SETBP1: variants seen among roughly 807,000 people sequenced by gnomAD.
The protein encoded by SETBP1 is SET binding protein 1.
Under a neutral mutation model 101.0 loss-of-function variants are expected in SETBP1, and 9 were observed. The observed-to-expected ratio is 0.09, with a 90% CI of 0.05 to 0.16. The LOEUF (loss-of-function observed/expected upper bound fraction) is 0.16, where lower values mean the gene tolerates loss of function less well. Ranked by LOEUF, SETBP1 falls within the 10% of genes least tolerant of loss-of-function variation. The pLI is 1.00. For missense variants in SETBP1, 1,858 were observed against 2,033.8 expected, an observed-to-expected ratio of 0.91 and a Z score of 1.66; for synonymous variants, 818 against 788.5, an observed-to-expected ratio of 1.04 and a Z score of -0.63.
chr18:44,810,941 A>G (rs975568548), intron 2 of SETBP1, among the ~76,000 whole-genome samples: 2 of 152,216 alleles, frequency 1.3e-5, no homozygotes, highest in Admixed American at 1.3e-4. Flanking sequence ...GGGGCGAACC[A>G]TGTAAATTTC....
At position 44,952,507 on chromosome 18, in the gene SETBP1, C is replaced by T; in HGVS notation, c.3167C>T (p.Thr1056Ile). The T allele has an allele frequency of 6.2e-7, 1 of 1,614,132 alleles. No homozygotes were observed. The highest frequency in any genetic ancestry group is 8.5e-7 in the Non-Finnish European group (1 of 1,180,032). The change falls in exon 4 of 6, where the codon ACA becomes ATA. Residue 1056 changes from threonine (T) to isoleucine (I), a missense_variant. Physicochemically the swap from Thr to Ile is moderately conservative, Grantham distance 89. This residue lies in a region of SETBP1 where 255 missense variants were observed against 300.1 expected (regional missense o/e 0.85). Coordinates refer to ENST00000649279, the MANE Select transcript of SETBP1 (RefSeq NM_015559.3). ...TATGCACCCTATGGAATGCCTTACACATCAATGCCTATGATGAACCTTGGT... is the reference window on the plus strand; with the variant it reads ...TATGCACCCTATGGAATGCCTTACATATCAATGCCTATGATGAACCTTGGT... ...SYYAPYGMPYTSMPMMNLGYY... is the reference protein window; with the variant it reads ...SYYAPYGMPYISMPMMNLGYY...
chr18:45,035,157 G>C (rs936303314), intron 4 of SETBP1, among the ~76,000 whole-genome samples: 1 of 152,162 alleles, frequency 6.6e-6, no homozygotes, highest in Non-Finnish European at 1.5e-5. Flanking sequence ...GATAGATTTT[G>C]TGGATTAATG....
chr18:44,780,839 T>A (rs1414623406), intron 2 of SETBP1, among the ~76,000 whole-genome samples: 1 of 152,210 alleles, frequency 6.6e-6, no homozygotes, highest in South Asian at 2.1e-4. Flanking sequence ...TTGGGGGTCA[T>A]GGAGCTCCCT....
At chr18:44,994,025 C>T (rs1428151445) in intron 4 of SETBP1, among the ~76,000 whole-genome samples, 1 of 151,910 alleles carries the variant, frequency 6.6e-6, no homozygotes, top group Non-Finnish European at 1.5e-5. Flanking sequence ...CTTAATGAAA[C>T]TCGTTTATCA....
chr18:45,016,470 G>A (rs890586201), intron 4 of SETBP1, among the ~76,000 whole-genome samples: 6 of 152,240 alleles, frequency 3.9e-5, no homozygotes, highest in African/African-American at 1.4e-4. Flanking sequence ...CCCTGTCGCG[G>A]CGGAACCTTC....
At chr18:44,913,856 A>G (rs1385085150) in intron 3 of SETBP1, among the ~76,000 whole-genome samples, 1 of 152,218 alleles carries the variant, frequency 6.6e-6, no homozygotes, top group Non-Finnish European at 1.5e-5. Context: ...GGTTCATTCC[A>G]TTTTTAGTTA....
At chr18:45,016,731 G>GCACACACACACA (rs60965207) in intron 4 of SETBP1, among the ~76,000 whole-genome samples, 3 of 122,860 alleles carry the variant, frequency 2.4e-5, no homozygotes, top group South Asian at 3.0e-4. Context: ...ATTGGTGCGC[G>GCACACACACACA]CACACACACA....
At chr18:44,936,615 TG>T (rs906325849) in intron 3 of SETBP1, among the ~76,000 whole-genome samples, 75 of 151,816 alleles carry the variant, frequency 4.9e-4, no homozygotes, top group African/African-American at 1.7e-3. Flanking sequence ...TAGGAGGGGG[TG>T]CTGGGAAGTC....
At chr18:44,876,906 A>G (rs1261585297) in intron 3 of SETBP1, 12 of 1,372,598 alleles carry the variant, frequency 8.7e-6, no homozygotes, top group Non-Finnish European at 1.1e-5. Flanking sequence ...CTCTGGGTCT[A>G]AAAGATAATC....
intron 2 of SETBP1, among the ~76,000 whole-genome samples, chr18:44,707,585 G>T (rs2069249509): frequency 6.6e-6 from 1 of 152,206 alleles, no homozygotes; most frequent in South Asian, 2.1e-4. Context: ...CCTAGGGAAA[G>T]ACTCTTGTAT....
At chr18:44,708,935 C>T (rs550155534) in intron 2 of SETBP1, among the ~76,000 whole-genome samples, 2 of 152,238 alleles carry the variant, frequency 1.3e-5, no homozygotes, top group South Asian at 2.1e-4. Context: ...CCCACTGTTC[C>T]GTCATCAAAT....
chr18:44,716,274 G>A (rs1311036622), intron 2 of SETBP1, among the ~76,000 whole-genome samples: 2 of 152,088 alleles, frequency 1.3e-5, no homozygotes, highest in Non-Finnish European at 2.9e-5. Context: ...AGCTATAAGT[G>A]GGGGATCCCC....
At chr18:44,929,349 A>C (rs1221442361) in intron 3 of SETBP1, among the ~76,000 whole-genome samples, 1 of 152,204 alleles carries the variant, frequency 6.6e-6, no homozygotes, top group Non-Finnish European at 1.5e-5. Flanking sequence ...CTCGTAGTAT[A>C]GTTTGAAGTC....
intron 2 of SETBP1, among the ~76,000 whole-genome samples, chr18:44,716,868 G>A (rs1359970403): frequency 2.6e-5 from 4 of 152,298 alleles, no homozygotes; most frequent in Non-Finnish European, 5.9e-5. Flanking sequence ...ATCCAGGTGA[G>A]TCATTCTTTT....
chr18:44,926,437 C>T (rs1255364863), intron 3 of SETBP1, among the ~76,000 whole-genome samples: 2 of 152,100 alleles, frequency 1.3e-5, no homozygotes, highest in African/African-American at 2.4e-5. Context: ...CAGGAAGTGC[C>T]GCAGAAAGAT....
At chr18:44,827,280 G>A (rs771405549) in intron 2 of SETBP1, among the ~76,000 whole-genome samples, 3 of 152,212 alleles carry the variant, frequency 2.0e-5, no homozygotes, top group African/African-American at 4.8e-5. Context: ...AGCTTGTGAC[G>A]ATGGTGGGAC....
At chr18:45,001,609 G>A (rs1599432504) in intron 4 of SETBP1, among the ~76,000 whole-genome samples, 1 of 152,154 alleles carries the variant, frequency 6.6e-6, no homozygotes, top group South Asian at 2.1e-4. Context: ...GGAGCAGCAG[G>A]AAGGACCCTA....
At chr18:44,845,438 G>A (rs1453631811) in intron 2 of SETBP1, among the ~76,000 whole-genome samples, 3 of 152,230 alleles carry the variant, frequency 2.0e-5, no homozygotes, top group Non-Finnish European at 4.4e-5. Flanking sequence ...GTGCCAGAGA[G>A]CTGAATTCCC....
chr18:44,716,762 C>T (rs2069474909), intron 2 of SETBP1, among the ~76,000 whole-genome samples: 1 of 152,086 alleles, frequency 6.6e-6, no homozygotes, highest in Non-Finnish European at 1.5e-5. Context: ...GGTGTTTCCC[C>T]ATCTTGGCCA....
Sources: allele counts gnomAD v4.1 joint callset (sites outside exome capture counted in the v4.1 genomes callset), GRCh38; gene constraint gnomAD v4.1.1; regional missense constraint gnomAD v4.1.1; transcripts MANE v1.5; gene names NCBI Gene and HGNC (gene_info 2026-07-23, HGNC 2026-07-21).